Variants in SPOCK3 observed in about 807,000 individuals in gnomAD.
The protein encoded by SPOCK3 is testican-3.
In SPOCK3, 30 loss-of-function variants were observed where a neutral mutation model predicts 56.6. The observed-to-expected ratio is 0.53, with a 90% CI of 0.40 to 0.72. The LOEUF is 0.72. Among genes scored for constraint, SPOCK3 ranks in the 30% least tolerant of loss-of-function variants. The probability of loss-of-function intolerance (pLI) is 0.00; values close to 1 mark genes in which losing one functional copy is unlikely to be tolerated. For missense variants in SPOCK3, 527 were observed against 530.0 expected, an observed-to-expected ratio of 0.99 and a Z score of 0.06; for synonymous variants, 196 against 183.3, an observed-to-expected ratio of 1.07 and a Z score of -0.56.
intron 10 of SPOCK3, 144 bp from the exon 11 acceptor site, chr4:166,735,234 A>G: frequency 1.7e-6 from 1 of 594,876 alleles, no homozygotes; most frequent in Non-Finnish European, 2.9e-6. Context: ...TGAAAGATCC[A>G]TTTTCTGGAA....
chr4:167,120,371 T>G (rs532767954), intron 2 of SPOCK3, among the ~76,000 whole-genome samples: 1 of 152,176 alleles, frequency 6.6e-6, no homozygotes, highest in East Asian at 1.9e-4. Context: ...ATAGTAAGGT[T>G]GTAGAAATTT....
intron 3 of SPOCK3, among the ~76,000 whole-genome samples, chr4:167,055,450 G>T (rs10013127): frequency 0.015 from 2,317 of 152,194 alleles, 65 homozygotes; most frequent in African/African-American, 0.053. Flanking sequence ...GACAGTGGGC[G>T]CAGGACAGTG....
chr4:166,996,191 T>C (rs1046416225), intron 4 of SPOCK3, among the ~76,000 whole-genome samples: 7 of 152,178 alleles, frequency 4.6e-5, no homozygotes, highest in African/African-American at 1.7e-4. Context: ...CCTTATTCTT[T>C]TTTTTCTTTT....
intron 2 of SPOCK3, among the ~76,000 whole-genome samples, chr4:167,155,177 G>A (rs192505928): frequency 2.0e-5 from 3 of 151,934 alleles, no homozygotes; most frequent in Admixed American, 2.0e-4. Flanking sequence ...GTGCAGTGGT[G>A]CAATCTTGGC....
At chr4:167,082,738 TC>T (rs1464898575) in intron 2 of SPOCK3, among the ~76,000 whole-genome samples, 1 of 124,248 alleles carries the variant, frequency 8.0e-6, no homozygotes, top group African/African-American at 3.2e-5. Flanking sequence ...AGGTTTTTCT[TC>T]CAGGAAGGAA....
At chr4:166,976,167 T>C (rs1475140951) in intron 4 of SPOCK3, among the ~76,000 whole-genome samples, 1 of 152,050 alleles carries the variant, frequency 6.6e-6, no homozygotes, top group East Asian at 1.9e-4. Flanking sequence ...AAATGTCTGT[T>C]CCTACCACTT....
At chr4:167,141,783 C>A (rs1425411797) in intron 2 of SPOCK3, among the ~76,000 whole-genome samples, 2 of 151,972 alleles carry the variant, frequency 1.3e-5, no homozygotes, top group East Asian at 1.9e-4. Flanking sequence ...CAGAAGGCAA[C>A]AAATTATAAA....
intron 2 of SPOCK3, among the ~76,000 whole-genome samples, chr4:167,228,974 C>T (rs1357504325): frequency 6.6e-6 from 1 of 151,926 alleles, no homozygotes; most frequent in East Asian, 1.9e-4. Context: ...ACCAAAAAAG[C>T]AAAAGAAAGA....
At chr4:167,149,119 G>A (rs1764203612) in intron 2 of SPOCK3, among the ~76,000 whole-genome samples, 1 of 152,078 alleles carries the variant, frequency 6.6e-6, no homozygotes, top group South Asian at 2.1e-4. Context: ...GTGACCACAA[G>A]AGCAATATCT....
At chr4:167,216,757 A>G (rs577383393) in intron 2 of SPOCK3, among the ~76,000 whole-genome samples, 2 of 152,238 alleles carry the variant, frequency 1.3e-5, no homozygotes, top group East Asian at 3.9e-4. Context: ...TCTGAATATT[A>G]TACACAATTT....
intron 5 of SPOCK3, among the ~76,000 whole-genome samples, chr4:166,909,213 TA>T (rs1203978869): frequency 6.6e-6 from 1 of 152,130 alleles, no homozygotes; most frequent in Non-Finnish European, 1.5e-5. Context: ...TGAGGATTTC[TA>T]AAAACGCTGA....
chr4:167,027,247 G>C (rs2150173457), intron 3 of SPOCK3, among the ~76,000 whole-genome samples: 1 of 151,994 alleles, frequency 6.6e-6, no homozygotes, highest in East Asian at 1.9e-4. Flanking sequence ...GTTCTAAAAT[G>C]TTTCTGATTA....
At chr4:166,905,305 A>T (rs1347858821) in intron 5 of SPOCK3, among the ~76,000 whole-genome samples, 1 of 151,976 alleles carries the variant, frequency 6.6e-6, no homozygotes, top group Non-Finnish European at 1.5e-5. Flanking sequence ...AGATAAATGC[A>T]TTCCTTATAA....
chr4:167,049,209 T>C (rs950164502), intron 3 of SPOCK3, among the ~76,000 whole-genome samples: 1 of 151,740 alleles, frequency 6.6e-6, no homozygotes, highest in African/African-American at 2.4e-5. Context: ...GGTTCAAGCA[T>C]CTTTGAAGTT....
chr4:167,076,458 T>A (rs963259941), intron 2 of SPOCK3, among the ~76,000 whole-genome samples: 2 of 151,576 alleles, frequency 1.3e-5, no homozygotes, highest in African/African-American at 4.8e-5. Context: ...CCTAAAACTG[T>A]TCTAAAAAAA....
At chr4:167,079,021 A>G (rs1186919311) in intron 2 of SPOCK3, among the ~76,000 whole-genome samples, 2 of 151,598 alleles carry the variant, frequency 1.3e-5, no homozygotes, top group African/African-American at 2.4e-5. Flanking sequence ...AATTTATTCT[A>G]TTTAGATGTT....
chr4:166,957,398 A>T (rs1743618441), intron 4 of SPOCK3, among the ~76,000 whole-genome samples: 2 of 152,232 alleles, frequency 1.3e-5, no homozygotes, highest in Admixed American at 6.5e-5. Context: ...CTCTCAAAGT[A>T]CACTTCCCTT....
chr4:166,959,127 T>C (rs1743844579), intron 4 of SPOCK3, among the ~76,000 whole-genome samples: 1 of 152,186 alleles, frequency 6.6e-6, no homozygotes, highest in Non-Finnish European at 1.5e-5. Context: ...GTTGTTGTTA[T>C]TGCAGATGTG....
chr4:166,823,178 C>T (rs1174277409), intron 6 of SPOCK3, among the ~76,000 whole-genome samples: 1 of 151,882 alleles, frequency 6.6e-6, no homozygotes. Context: ...TTTTCAAAAA[C>T]AATCTTGGGT....
Sources: gnomAD v4.1 joint callset for allele counts (sites outside exome capture counted in the v4.1 genomes callset) on GRCh38, gnomAD v4.1.1 for gene constraint, MANE v1.5 for transcripts, NCBI Gene and HGNC (gene_info 2026-07-23, HGNC 2026-07-21) for gene names.